ZNF385D: variants seen among roughly 807,000 people sequenced by gnomAD.
ZNF385D encodes zinc finger protein 385D.
ZNF385D carries 15 observed loss-of-function variants against 35.8 expected under a neutral mutation model. The ratio of observed to expected loss-of-function variants is 0.42; its 90% confidence interval spans 0.28 to 0.64. ZNF385D has a LOEUF of 0.64. Ranked by LOEUF, ZNF385D falls within the 30% of genes least tolerant of loss-of-function variation. ZNF385D has a pLI of 0.23. For missense variants in ZNF385D, 474 were observed against 494.6 expected (o/e 0.96, Z 0.39); for synonymous variants, 212 against 186.8 (o/e 1.13, Z -1.10).
intron 2 of ZNF385D, among the ~76,000 whole-genome samples, chr3:21,648,141 G>A (rs551336902): frequency 1.3e-5 from 2 of 152,242 alleles, no homozygotes; most frequent in South Asian, 4.1e-4. Flanking sequence ...TAATCTGCAC[G>A]TGTCAAGGGA....
intron 2 of ZNF385D, among the ~76,000 whole-genome samples, chr3:22,249,242 G>A (rs1217972068): frequency 6.6e-6 from 1 of 152,112 alleles, no homozygotes; most frequent in African/African-American, 2.4e-5. Context: ...TTTTGGGAAG[G>A]ATTTTTACAT....
At chr3:21,690,955 C>G (rs1406636373) in intron 1 of ZNF385D, among the ~76,000 whole-genome samples, 1 of 152,176 alleles carries the variant, frequency 6.6e-6, no homozygotes, top group South Asian at 2.1e-4. Context: ...CTCTGGCGTT[C>G]TACCCTCGGA....
chr3:21,499,992 C>G (rs1044769858), intron 4 of ZNF385D, among the ~76,000 whole-genome samples: 7 of 152,138 alleles, frequency 4.6e-5, no homozygotes, highest in Non-Finnish European at 7.4e-5. Context: ...CTCAATAGAG[C>G]TTTTTAAAAT....
intron 2 of ZNF385D, among the ~76,000 whole-genome samples, chr3:21,591,180 A>G (rs916761139): frequency 5.9e-5 from 9 of 152,174 alleles, no homozygotes; most frequent in African/African-American, 2.2e-4. Context: ...TGGGAGACAG[A>G]CCACATCTCA....
At chr3:22,095,226 C>A (rs115042299) in intron 3 of ZNF385D, among the ~76,000 whole-genome samples, 209 of 151,642 alleles carry the variant, frequency 1.4e-3, no homozygotes, top group African/African-American at 4.9e-3. Flanking sequence ...AGCACCTGGT[C>A]CCCAAATTCT....
chr3:22,333,197 A>T (rs116746426), intron 2 of ZNF385D, among the ~76,000 whole-genome samples: 4 of 152,094 alleles, frequency 2.6e-5, no homozygotes, highest in Non-Finnish European at 5.9e-5. Context: ...TTGACCCTTT[A>T]TAAGTTTTTC....
At chr3:21,954,217 G>C (rs1575999530) in intron 3 of ZNF385D, among the ~76,000 whole-genome samples, 1 of 151,742 alleles carries the variant, frequency 6.6e-6, no homozygotes, top group East Asian at 1.9e-4. Flanking sequence ...TGTAACAAGG[G>C]TCTTATAACA....
chr3:21,645,713 A>G (rs972269247), intron 2 of ZNF385D, among the ~76,000 whole-genome samples: 44 of 152,264 alleles, frequency 2.9e-4, no homozygotes, highest in African/African-American at 1.1e-3. Context: ...TTTCCTGCCA[A>G]CAGTCCCTGT....
chr3:21,970,576 G>T (rs1287296017), intron 3 of ZNF385D, among the ~76,000 whole-genome samples: 1 of 151,860 alleles, frequency 6.6e-6, no homozygotes, highest in African/African-American at 2.4e-5. Context: ...GCCTCAAAGG[G>T]CCAAATCTAG....
chr3:21,764,831 T>G (rs1240391056), intron 3 of ZNF385D, among the ~76,000 whole-genome samples: 1 of 152,158 alleles, frequency 6.6e-6, no homozygotes, highest in Non-Finnish European at 1.5e-5. Flanking sequence ...GTTTTTACAT[T>G]TATATGCAAG....
At chr3:21,514,233 T>A (rs1707416754) in intron 3 of ZNF385D, among the ~76,000 whole-genome samples, 1 of 152,274 alleles carries the variant, frequency 6.6e-6, no homozygotes, top group East Asian at 1.9e-4. Context: ...ACCTGGGAAT[T>A]CTCAATACAC....
intron 3 of ZNF385D, among the ~76,000 whole-genome samples, chr3:22,072,800 A>G (rs1296455524): frequency 1.3e-5 from 2 of 151,982 alleles, no homozygotes; most frequent in Admixed American, 6.6e-5. Context: ...CAGAAGAAAT[A>G]AGGAAACAGA....
At chr3:22,229,418 G>C (rs1386624096) in intron 2 of ZNF385D, among the ~76,000 whole-genome samples, 49 of 152,242 alleles carry the variant, frequency 3.2e-4, no homozygotes, top group Admixed American at 3.1e-3. Flanking sequence ...ATTCAGTGAG[G>C]GGGACCCTTG....
chr3:22,366,584 T>G (rs1215645850), intron 2 of ZNF385D, among the ~76,000 whole-genome samples: 1 of 152,178 alleles, frequency 6.6e-6, no homozygotes, highest in Non-Finnish European at 1.5e-5. Flanking sequence ...CTGCTGTCTT[T>G]TCACACATCT....
At chr3:21,900,597 G>C (rs1448932092) in intron 3 of ZNF385D, among the ~76,000 whole-genome samples, 1 of 151,896 alleles carries the variant, frequency 6.6e-6, no homozygotes, top group Non-Finnish European at 1.5e-5. Flanking sequence ...AGATACATGG[G>C]GCCAGAATAA....
intron 3 of ZNF385D, among the ~76,000 whole-genome samples, chr3:21,541,920 A>G (rs747161875): frequency 3.1e-4 from 47 of 152,324 alleles, no homozygotes; most frequent in Non-Finnish European, 6.2e-4. Flanking sequence ...ATAGATATGT[A>G]TATCCAGCAA....
intron 2 of ZNF385D, among the ~76,000 whole-genome samples, chr3:22,361,324 T>C (rs1229309232): frequency 6.6e-6 from 1 of 152,096 alleles, no homozygotes; most frequent in Non-Finnish European, 1.5e-5. Flanking sequence ...AATCAGAATG[T>C]AATAAGTAGC....
intron 3 of ZNF385D, among the ~76,000 whole-genome samples, chr3:22,082,366 A>G (rs1182840824): frequency 7.9e-5 from 12 of 152,100 alleles, no homozygotes; most frequent in Non-Finnish European, 1.5e-4. Flanking sequence ...CACTTTTCCA[A>G]TGGTCTTAGC....
At position 21,416,837 on chromosome 3, in the gene ZNF385D, A is replaced by G. The variant is rs2125229436; in HGVS notation, c.*4377T>C. ...CTTAGTCGGGACCCCTTCCTATTGA[A>G]GAGAGAAAGTGCAACAAAAGAAATA... On this transcript the variant is annotated 3_prime_UTR_variant, in exon 8 of 8. Transcript: ENST00000281523. 2 of 152,248 alleles carry G rather than the reference A, an allele frequency of 1.3e-5. 1 individual carries two copies. Among genetic ancestry groups the G allele is most frequent in the South Asian group, 4.1e-4 (2 of 4,822 alleles). 9.4% of individuals were successfully genotyped at this position (152,248 alleles called of 1,614,324 possible).
Sources: allele counts gnomAD v4.1 joint callset (sites outside exome capture counted in the v4.1 genomes callset), GRCh38; gene constraint gnomAD v4.1.1; transcripts MANE v1.5; gene names NCBI Gene and HGNC (gene_info 2026-07-23, HGNC 2026-07-21).